Variants in LINGO1 observed in about 807,000 individuals in gnomAD.
LINGO1 encodes leucine-rich repeat and immunoglobulin-like domain-containing nogo receptor-interacting protein 1.
In LINGO1, 11 loss-of-function variants were observed where a neutral mutation model predicts 37.3. That is an observed-to-expected ratio of 0.29 (90% CI 0.19 to 0.49). The LOEUF (loss-of-function observed/expected upper bound fraction) is 0.49. Among genes scored for constraint, LINGO1 ranks in the 20% least tolerant of loss-of-function variants. LINGO1 has a pLI of 0.99. For missense variants in LINGO1, 585 were observed against 878.2 expected (o/e 0.67, Z 4.22); for synonymous variants, 387 against 403.0 (o/e 0.96, Z 0.48).
At chr15:77,713,471 G>A (rs987883120) in intron 2 of LINGO1, among the ~76,000 whole-genome samples, 70 of 151,820 alleles carry the variant, frequency 4.6e-4, no homozygotes, top group African/African-American at 1.6e-3. Context: ...TACAGAGGAG[G>A]ACAAATTAGT....
intron 3 of LINGO1, among the ~76,000 whole-genome samples, chr15:77,674,533 C>T (rs969745792): frequency 6.6e-6 from 1 of 152,166 alleles, no homozygotes; most frequent in Non-Finnish European, 1.5e-5. Flanking sequence ...CTCCCTCACT[C>T]ACCCTGTTCT....
intron 2 of LINGO1, among the ~76,000 whole-genome samples, chr15:77,677,790 C>T (rs2075352515): frequency 6.6e-6 from 1 of 152,148 alleles, no homozygotes; most frequent in South Asian, 2.1e-4. Context: ...CTAGACATGG[C>T]CACAGGTGCT....
At chr15:77,680,544 C>G (rs768388598) in intron 2 of LINGO1, among the ~76,000 whole-genome samples, 2 of 152,096 alleles carry the variant, frequency 1.3e-5, no homozygotes, top group Non-Finnish European at 2.9e-5. Context: ...TCCCTATCCA[C>G]GAGGAAAAGG....
intron 1 of LINGO1, among the ~76,000 whole-genome samples, chr15:77,775,794 T>G (rs1037128855): frequency 5.3e-5 from 8 of 151,710 alleles, no homozygotes; most frequent in Non-Finnish European, 1.2e-4. Context: ...CAGCTTGGCC[T>G]GTCTCTGAGG....
chr15:77,655,352 A>G lies in LINGO1; in HGVS notation c.-13+21737T>C, dbSNP rs139520274. Among the ~76,000 whole-genome samples the G allele has an allele frequency of 1.0e-3, 157 of 152,162 alleles. 1 individual carries two copies. Among genetic ancestry groups the G allele is most frequent in the Non-Finnish European group, 1.1e-3 (75 of 67,980 alleles). On this transcript the variant is annotated intron_variant, in intron 3 of 3. Coordinates refer to the LINGO1 transcript ENST00000559893. ...GTTCTGCCCCAGCTCCCAACTGCCTACTTAACATTCACAGACTTCTTCCTC... is the reference window on the plus strand; with the variant it reads ...GTTCTGCCCCAGCTCCCAACTGCCTGCTTAACATTCACAGACTTCTTCCTC...
intron 3 of LINGO1, among the ~76,000 whole-genome samples, chr15:77,664,835 T>G (rs1214872613): frequency 1.3e-5 from 2 of 152,140 alleles, no homozygotes; most frequent in East Asian, 3.9e-4. Context: ...GGGAAGGGTG[T>G]GTCCCTGTGG....
Position 77,796,885 on chromosome 15 carries a change from T to A in LINGO1, c.-457-832A>T, listed in dbSNP as rs548556695. 9.2e-5 allele frequency among the ~76,000 whole-genome samples: 14 copies of A among 152,292 alleles called. No individual in the cohort carries two copies. In the South Asian group the frequency reaches 2.7e-3, roughly 29 times the overall value. On this transcript the variant is annotated intron_variant, in intron 1 of 5. Coordinates refer to the LINGO1 transcript ENST00000562933. The stretch of plus-strand genomic sequence containing the variant: ...GTATCACCACACCTGGCTAATTTTT[T>A]AATTTTTTTGTAAACTATGTTGCCC...
intron 2 of LINGO1, among the ~76,000 whole-genome samples, chr15:77,720,147 C>T (rs1420894936): frequency 7.3e-6 from 1 of 137,240 alleles, no homozygotes; most frequent in Non-Finnish European, 1.7e-5. Flanking sequence ...AGCCCCACCC[C>T]ACCCCTCCAC....
At chr15:77,773,655 G>C (rs1387450937) in intron 1 of LINGO1, among the ~76,000 whole-genome samples, 1 of 152,148 alleles carries the variant, frequency 6.6e-6, no homozygotes, top group African/African-American at 2.4e-5. Context: ...AGCTGACCAA[G>C]GCCGCCCAGC....
chr15:77,766,309 A>C (rs919559930), intron 1 of LINGO1, among the ~76,000 whole-genome samples: 3 of 138,586 alleles, frequency 2.2e-5, no homozygotes, highest in Non-Finnish European at 4.4e-5. Flanking sequence ...AAAAAAAAAA[A>C]AAAAAAAACA....
At chr15:77,637,265 A>C (rs887232531), upstream of LINGO1, among the ~76,000 whole-genome samples, 1 of 152,214 alleles carries the variant, frequency 6.6e-6, no homozygotes, top group African/African-American at 2.4e-5. The surrounding 1 kb of genome is among the most constrained non-coding windows in gnomAD (Gnocchi z 4.6). Flanking sequence ...GGGAACATCC[A>C]TGGTGGGTGC....
At chr15:77,729,597 G>GCC (rs1239758013) in intron 2 of LINGO1, among the ~76,000 whole-genome samples, 1 of 152,112 alleles carries the variant, frequency 6.6e-6, no homozygotes, top group African/African-American at 2.4e-5. Flanking sequence ...GAGTTGGCCA[G>GCC]CCCTCTGACC....
At chr15:77,814,086 C>T (rs2141483991) in intron 1 of LINGO1, among the ~76,000 whole-genome samples, 1 of 152,318 alleles carries the variant, frequency 6.6e-6, no homozygotes, top group Non-Finnish European at 1.5e-5. Flanking sequence ...ATTCCAGCCC[C>T]AGCTGAGACT....
At chr15:77,697,691 A>C (rs1159348671), upstream of LINGO1, among the ~76,000 whole-genome samples, 3 of 152,300 alleles carry the variant, frequency 2.0e-5, no homozygotes, top group East Asian at 5.8e-4. Context: ...AGAGATGACA[A>C]CTCGGGTGCT....
rs1202062266 is a variant in LINGO1 at position 77,800,972 on chromosome 15, T to C, written c.-457-4919A>G. 2.6e-5 allele frequency among the ~76,000 whole-genome samples: 4 copies of C among 152,314 alleles called. No homozygotes were observed. In the East Asian group the frequency reaches 7.7e-4, roughly 29 times the overall value. On this transcript the variant is annotated intron_variant, in intron 1 of 5. Transcript: ENST00000562933. ...TGCAAATGAAAGTGACATGCTACCA[T>C]TTTTTGCCTATCAGATTGGGAAAAA...
At chr15:77,671,781 A>T (rs1312529133) in intron 3 of LINGO1, among the ~76,000 whole-genome samples, 1 of 152,182 alleles carries the variant, frequency 6.6e-6, no homozygotes, top group East Asian at 1.9e-4. Context: ...TTACAGACTG[A>T]GTCTTGACCC....
chr15:77,723,415 G>C (rs1039944246), intron 2 of LINGO1, among the ~76,000 whole-genome samples: 1 of 152,198 alleles, frequency 6.6e-6, no homozygotes, highest in African/African-American at 2.4e-5. Flanking sequence ...CAGGATGAAG[G>C]CGGTGGATAA....
chr15:77,653,781 C>T (rs1312570816), intron 3 of LINGO1, among the ~76,000 whole-genome samples: 1 of 151,678 alleles, frequency 6.6e-6, no homozygotes, highest in Non-Finnish European at 1.5e-5. Flanking sequence ...AGAGATGGCT[C>T]GGAAAGGAAG....
intron 1 of LINGO1, among the ~76,000 whole-genome samples, chr15:77,799,114 CCAGGTCT>C (rs2076896638): frequency 6.6e-6 from 1 of 152,168 alleles, no homozygotes; most frequent in Non-Finnish European, 1.5e-5. Context: ...AGCCCAGAGC[CCAGGTCT>C]CCTCTTCCCC....
Sources: gnomAD v4.1 joint callset for allele counts (sites outside exome capture counted in the v4.1 genomes callset) on GRCh38, gnomAD v4.1.1 for gene constraint, Gnocchi (gnomAD v3.1) non-coding constraint, MANE v1.5 for transcripts, NCBI Gene and HGNC (gene_info 2026-07-23, HGNC 2026-07-21) for gene names.